The following MAPK4 variants were observed in gnomAD, a reference collection of about 807,000 sequenced individuals.
MAPK4 encodes the protein mitogen-activated protein kinase 4.
In MAPK4, 22 loss-of-function variants were observed where a neutral mutation model predicts 47.7. The ratio of observed to expected loss-of-function variants is 0.46; its 90% CI spans 0.33 to 0.66. The LOEUF is 0.66. Among genes scored for constraint, MAPK4 ranks in the 30% least tolerant of loss-of-function variants. MAPK4 has a pLI of 0.02. For missense variants in MAPK4, 736 were observed against 831.7 expected, an observed-to-expected ratio of 0.88 and a Z score of 1.42; for synonymous variants, 390 against 365.7, an observed-to-expected ratio of 1.07 and a Z score of -0.76.
intron 2 of MAPK4, among the ~76,000 whole-genome samples, chr18:50,672,170 A>G (rs1050586192): frequency 2.0e-5 from 3 of 152,030 alleles, no homozygotes; most frequent in African/African-American, 7.2e-5. Flanking sequence ...GTGGAGAAGG[A>G]TTTTCCCAGG....
intron 2 of MAPK4, among the ~76,000 whole-genome samples, chr18:50,700,920 G>A (rs185619476): frequency 9.9e-5 from 15 of 152,168 alleles, no homozygotes; most frequent in South Asian, 4.2e-4. Flanking sequence ...TCTGGTGGCC[G>A]AAATTCTCAC....
At chr18:50,613,863 T>C (rs2042660727) in intron 1 of MAPK4, among the ~76,000 whole-genome samples, 1 of 152,206 alleles carries the variant, frequency 6.6e-6, no homozygotes, top group South Asian at 2.1e-4. Flanking sequence ...ATAAGTTTAA[T>C]TGCCCTAAGA....
chr18:50,639,294 A>C (rs918627289), intron 1 of MAPK4, among the ~76,000 whole-genome samples: 2 of 152,214 alleles, frequency 1.3e-5, no homozygotes, highest in African/African-American at 4.8e-5. Flanking sequence ...AAATTAGTTA[A>C]GTTCTGAGAC....
At chr18:50,567,832 A>T (rs2042213511) in intron 1 of MAPK4, among the ~76,000 whole-genome samples, 1 of 151,892 alleles carries the variant, frequency 6.6e-6, no homozygotes, top group African/African-American at 2.4e-5. Flanking sequence ...TTTTTAAAAA[A>T]AAAAAATGAC....
In MAPK4 at chr18:50,726,795, A is replaced by G. The variant is rs912114402; in HGVS notation, c.1067+620A>G. Among the ~76,000 whole-genome samples the G allele has an allele frequency of 2.0e-5, 3 of 151,734 alleles. No individual in the cohort carries two copies. In the East Asian group the frequency reaches 5.8e-4, roughly 29 times the overall value. On this transcript the variant is annotated intron_variant, in intron 5 of 5. Transcript: ENST00000400384. ...CACGGCTGTAGTCCCAGACACTGGG[A>G]AGGCTGAGGCTGGGGAATCCCTTGA... is the stretch of plus-strand genomic sequence containing the variant.
At chr18:50,569,351 C>T (rs2042230478) in intron 1 of MAPK4, among the ~76,000 whole-genome samples, 1 of 152,094 alleles carries the variant, frequency 6.6e-6, no homozygotes, top group Non-Finnish European at 1.5e-5. Context: ...AACTTCAGGA[C>T]ATTTGATAAT....
chr18:50,641,393 C>T (rs955027070), intron 1 of MAPK4, among the ~76,000 whole-genome samples: 1 of 146,996 alleles, frequency 6.8e-6, no homozygotes, highest in Non-Finnish European at 1.5e-5. Context: ...TTTATAGATA[C>T]TTGATTTGAA....
At chr18:50,587,741 T>C (rs760910148) in intron 1 of MAPK4, among the ~76,000 whole-genome samples, 1 of 152,192 alleles carries the variant, frequency 6.6e-6, no homozygotes, top group Admixed American at 6.5e-5. Flanking sequence ...TCTTTCTTTC[T>C]TTTTTGAGAT....
intron 1 of MAPK4, among the ~76,000 whole-genome samples, chr18:50,583,863 ACC>A (rs1421929416): frequency 1.3e-5 from 2 of 152,134 alleles, no homozygotes; most frequent in Non-Finnish European, 2.9e-5. Flanking sequence ...GGTTTTACAA[ACC>A]TTGCAGGTGA....
At chr18:50,578,427 C>T (rs189582159) in intron 1 of MAPK4, among the ~76,000 whole-genome samples, 1 of 152,320 alleles carries the variant, frequency 6.6e-6, no homozygotes, top group Non-Finnish European at 1.5e-5. Flanking sequence ...CAAGAATATG[C>T]GTTTCTAATG....
At chr18:50,624,331 T>C (rs887001064) in intron 1 of MAPK4, among the ~76,000 whole-genome samples, 1 of 152,224 alleles carries the variant, frequency 6.6e-6, no homozygotes, top group African/African-American at 2.4e-5. Flanking sequence ...CCCAATTACA[T>C]TCCTAGATAT....
At chr18:50,703,575 AC>A (rs1909900100) in intron 2 of MAPK4, among the ~76,000 whole-genome samples, 1 of 152,218 alleles carries the variant, frequency 6.6e-6, no homozygotes, top group East Asian at 1.9e-4. Context: ...AGTGGGCTTA[AC>A]AGGTCAGTAT....
At chr18:50,627,804 A>C (rs766821160) in intron 1 of MAPK4, among the ~76,000 whole-genome samples, 2 of 152,110 alleles carry the variant, frequency 1.3e-5, no homozygotes, top group African/African-American at 2.4e-5. Flanking sequence ...ATTAGGCCAC[A>C]TCCGAGACCT....
chr18:50,620,732 C>G (rs1345947690), intron 1 of MAPK4, among the ~76,000 whole-genome samples: 1 of 151,888 alleles, frequency 6.6e-6, no homozygotes, highest in African/African-American at 2.4e-5. Context: ...TAGTGAGACT[C>G]TATCTCTATA....
At chr18:50,591,920 G>A (rs1339928582) in intron 1 of MAPK4, among the ~76,000 whole-genome samples, 3 of 152,092 alleles carry the variant, frequency 2.0e-5, no homozygotes, top group Non-Finnish European at 4.4e-5. Context: ...GAAGTACTGA[G>A]CTGACTCCTC....
At chr18:50,582,287 G>A (rs150056213) in intron 1 of MAPK4, among the ~76,000 whole-genome samples, 27 of 152,298 alleles carry the variant, frequency 1.8e-4, no homozygotes, top group African/African-American at 6.5e-4. Context: ...CAGCGAGGAT[G>A]CTCAGGTGCG....
intron 1 of MAPK4, among the ~76,000 whole-genome samples, chr18:50,611,161 G>T (rs2042629697): frequency 6.6e-6 from 1 of 152,198 alleles, no homozygotes. Context: ...TCAAATTTGG[G>T]TAGGTTCAGG....
At chr18:50,709,095 C>T (rs1910214185) in intron 2 of MAPK4, among the ~76,000 whole-genome samples, 1 of 152,178 alleles carries the variant, frequency 6.6e-6, no homozygotes, top group South Asian at 2.1e-4. Context: ...CAAATGTCTA[C>T]AGGCAGCTCT....
At chr18:50,579,783 T>C (rs2042327933) in intron 1 of MAPK4, among the ~76,000 whole-genome samples, 1 of 152,158 alleles carries the variant, frequency 6.6e-6, no homozygotes, top group Non-Finnish European at 1.5e-5. Context: ...ACCCACTCCA[T>C]GCCCATCACA....
Sources: allele counts gnomAD v4.1 joint callset (sites outside exome capture counted in the v4.1 genomes callset), GRCh38; gene constraint gnomAD v4.1.1; transcripts MANE v1.5; gene names NCBI Gene and HGNC (gene_info 2026-07-23, HGNC 2026-07-21).